The following OSBPL1A variants were observed in gnomAD, a reference collection of about 807,000 sequenced individuals.
The protein encoded by OSBPL1A is oxysterol-binding protein-related protein 1.
Under a neutral mutation model 137.1 loss-of-function variants are expected in OSBPL1A, and 80 were observed. The ratio of observed to expected loss-of-function variants is 0.58; its 90% CI spans 0.49 to 0.70. The LOEUF is 0.70. Ranked by LOEUF, OSBPL1A falls within the 30% of genes least tolerant of loss-of-function variation. The pLI is 0.00. For synonymous variants in OSBPL1A, 365 were observed against 389.7 expected, an observed-to-expected ratio of 0.94 and a Z score of 0.75; for missense variants, 970 against 1,129.4, an observed-to-expected ratio of 0.86 and a Z score of 2.02.
chr18:24,183,430 TTTTTC>T (rs1199774266), intron 18 of OSBPL1A, among the ~76,000 whole-genome samples: 80 of 150,924 alleles, frequency 5.3e-4, no homozygotes, highest in African/African-American at 1.8e-3. Context: ...TTTCTTTTTC[TTTTTC>T]TTTTTTTTTT....
At chr18:24,223,621 T>C (rs895394955) in intron 17 of OSBPL1A, among the ~76,000 whole-genome samples, 3 of 152,270 alleles carry the variant, frequency 2.0e-5, no homozygotes, top group Middle Eastern at 3.4e-3. Context: ...GGTTTGACTT[T>C]AGAACACAGA....
intron 16 of OSBPL1A, among the ~76,000 whole-genome samples, chr18:24,234,684 T>C (rs1467205835): frequency 6.6e-6 from 1 of 152,240 alleles, no homozygotes; most frequent in East Asian, 1.9e-4. Flanking sequence ...ACATGGACTT[T>C]AGATCTAATG....
At chr18:24,368,583 T>C (rs1733521493) in intron 2 of OSBPL1A, 4 of 495,132 alleles carry the variant, frequency 8.1e-6, no homozygotes, top group Non-Finnish European at 1.5e-5. Flanking sequence ...ACTCGATGTC[T>C]TCACCTCTAA....
rs981792888 is a variant in OSBPL1A, at chr18:24,162,645, G to A, written c.*534C>T. ...GCATTTTTTTTCTTCTTGGAAGATG[G>A]AAGGGGTAACATTGGGAGGATTAGT... On this transcript the variant is annotated 3_prime_UTR_variant, in exon 28 of 28. Transcript: ENST00000319481. The A allele has an allele frequency of 2.6e-5, 4 of 152,086 alleles. No homozygotes were observed. The highest frequency in any genetic ancestry group is 9.7e-5 in the African/African-American group (4 of 41,406). 9.4% of individuals were successfully genotyped at this position (152,086 alleles called of 1,614,324 possible).
At chr18:24,326,575 G>C (rs2090984560) in intron 7 of OSBPL1A, among the ~76,000 whole-genome samples, 1 of 152,180 alleles carries the variant, frequency 6.6e-6, no homozygotes, top group Non-Finnish European at 1.5e-5. Flanking sequence ...AAACAAAACA[G>C]CTGGTCTGCT....
At chr18:24,317,234 A>G in intron 10 of OSBPL1A, 22 bp from the exon 11 acceptor site, 1 of 1,613,110 alleles carries the variant, frequency 6.2e-7, no homozygotes, top group East Asian at 2.2e-5. Flanking sequence ...AAATGAAATT[A>G]TCAAGACAAA....
chr18:24,391,194 C>T (rs1011077612), intron 1 of OSBPL1A, among the ~76,000 whole-genome samples: 2 of 152,114 alleles, frequency 1.3e-5, no homozygotes, highest in African/African-American at 4.8e-5. Flanking sequence ...CACAAAAGGA[C>T]AAATATGGTA....
chr18:24,395,826 T>C (rs2037052221), intron 1 of OSBPL1A, among the ~76,000 whole-genome samples: 1 of 151,264 alleles, frequency 6.6e-6, no homozygotes, highest in Non-Finnish European at 1.5e-5. Flanking sequence ...TTCATCATTT[T>C]GGCCAGGCTG....
At chr18:24,242,510 C>A (rs1372204235) in intron 15 of OSBPL1A, among the ~76,000 whole-genome samples, 2 of 152,092 alleles carry the variant, frequency 1.3e-5, no homozygotes, top group Non-Finnish European at 2.9e-5. Context: ...CTCTCCCATG[C>A]TCCTCCCCAC....
intron 16 of OSBPL1A, among the ~76,000 whole-genome samples, chr18:24,230,780 T>G (rs552917126): frequency 1.3e-5 from 2 of 152,290 alleles, no homozygotes; most frequent in South Asian, 4.1e-4. Context: ...GCATAAAAGA[T>G]TTATGAAATA....
intron 2 of OSBPL1A, among the ~76,000 whole-genome samples, chr18:24,372,274 C>CA (rs11369067): frequency 0.095 from 9,957 of 104,890 alleles, 1,204 homozygotes; most frequent in African/African-American, 0.3. Flanking sequence ...GACGCTGTCG[C>CA]AAAAAAAAAA....
chr18:24,346,117 G>A (rs536631291), intron 4 of OSBPL1A, among the ~76,000 whole-genome samples: 2 of 152,210 alleles, frequency 1.3e-5, no homozygotes, highest in South Asian at 2.1e-4. Flanking sequence ...AGCAGCACAC[G>A]GGTGAGGGCA....
At chr18:24,260,707 G>A (rs2089424115) in intron 15 of OSBPL1A, among the ~76,000 whole-genome samples, 1 of 152,058 alleles carries the variant, frequency 6.6e-6, no homozygotes. Flanking sequence ...TGATGAAAAT[G>A]TTTTGGAATA....
At chr18:24,312,417 C>T (rs748410653) in intron 12 of OSBPL1A, among the ~76,000 whole-genome samples, 9 of 152,108 alleles carry the variant, frequency 5.9e-5, no homozygotes, top group Non-Finnish European at 1.2e-4. Context: ...TATAGGTTCT[C>T]GTTTTCAATA....
chr18:24,354,986 G>A (rs1248440386), intron 4 of OSBPL1A, among the ~76,000 whole-genome samples: 2 of 151,884 alleles, frequency 1.3e-5, no homozygotes, highest in Non-Finnish European at 2.9e-5. Context: ...CTGCCTTGGG[G>A]TCCAATCACT....
At chr18:24,396,280 G>A (rs1177921808) in intron 1 of OSBPL1A, among the ~76,000 whole-genome samples, 2 of 150,520 alleles carry the variant, frequency 1.3e-5, no homozygotes, top group Non-Finnish European at 2.9e-5. Flanking sequence ...AATCAAAGTC[G>A]GCTACAATAA....
At chr18:24,239,987 G>A (rs1394514872) in intron 15 of OSBPL1A, among the ~76,000 whole-genome samples, 1 of 145,288 alleles carries the variant, frequency 6.9e-6, no homozygotes, top group Non-Finnish European at 1.5e-5. Context: ...GTGCAGTGGT[G>A]CGATCTCGAC....
chr18:24,327,967 C>A (rs987436599), intron 7 of OSBPL1A, among the ~76,000 whole-genome samples: 5 of 147,996 alleles, frequency 3.4e-5, no homozygotes, highest in Non-Finnish European at 7.4e-5. Context: ...AAGGAAAAAT[C>A]ATTATAAAAT....
At chr18:24,234,047 A>G (rs2088365653) in intron 16 of OSBPL1A, among the ~76,000 whole-genome samples, 1 of 152,238 alleles carries the variant, frequency 6.6e-6, no homozygotes, top group Admixed American at 6.5e-5. Flanking sequence ...AGGAGTCAGG[A>G]AAGGCTACCC....
Sources: allele counts gnomAD v4.1 joint callset (sites outside exome capture counted in the v4.1 genomes callset), GRCh38; gene constraint gnomAD v4.1.1; transcripts MANE v1.5; gene names NCBI Gene and HGNC (gene_info 2026-07-23, HGNC 2026-07-21).